PCDHGB2: variants seen among roughly 807,000 people sequenced by gnomAD.
The protein encoded by PCDHGB2 is protocadherin gamma subfamily B, 2, also known as protocadherin gamma-B2.
In PCDHGB2, 55 loss-of-function variants were observed where a neutral mutation model predicts 59.3. The observed-to-expected ratio is 0.93, with a 90% confidence interval of 0.75 to 1.16. The LOEUF (loss-of-function observed/expected upper bound fraction) is 1.16. Among genes scored for constraint, PCDHGB2 ranks in the 50% most tolerant of loss-of-function variants. The probability of loss-of-function intolerance (pLI) is 0.00; values close to 1 mark genes in which losing one functional copy is unlikely to be tolerated. For synonymous variants in PCDHGB2, 516 were observed against 512.0 expected (o/e 1.01, Z -0.11); for missense variants, 1,228 against 1,198.5 (o/e 1.02, Z -0.36).
Position 141,478,335 on chromosome 5 carries a change from C to T in PCDHGB2, c.2422-16472C>T, listed in dbSNP as rs202213361. On this transcript the variant is annotated intron_variant, in intron 1 of 3. Coordinates refer to ENST00000522605, the MANE Select transcript of PCDHGB2 (RefSeq NM_018923.3). ...AGCTCACTGTACCGAACACCAGGGC[C>T]CTCCTTGCACGCGGACGCCGTGCGG... 4.7e-5 allele frequency: 76 copies of T among 1,613,822 alleles called. No individual in the cohort carries two copies. The highest frequency in any genetic ancestry group is 6.1e-5 in the Non-Finnish European group (72 of 1,180,028).
intron 1 of PCDHGB2, chr5:141,367,537 A>AAAGTAAAT (rs373624904): frequency 1.5e-4 from 22 of 147,524 alleles, no homozygotes; most frequent in African/African-American, 5.5e-4. Context: ...ACTCCGTCTC[A>AAAGTAAAT]AAATAAATAA....
At chr5:141,398,657 G>C in intron 1 of PCDHGB2, 1 of 1,614,018 alleles carries the variant, frequency 6.2e-7, no homozygotes, top group African/African-American at 1.3e-5. Flanking sequence ...CTTAACCCAA[G>C]TTTCTCATTA....
intron 1 of PCDHGB2, among the ~76,000 whole-genome samples, chr5:141,447,244 A>T (rs1475037979): frequency 6.6e-6 from 1 of 152,062 alleles, no homozygotes; most frequent in Non-Finnish European, 1.5e-5. Flanking sequence ...GGTTCAAGTG[A>T]TTCTTCTGTC....
At position 141,486,121 on chromosome 5, in the gene PCDHGB2, T is replaced by C. The variant is rs371827617; in HGVS notation, c.2422-8686T>C. 5.6e-6 allele frequency: 9 copies of C among 1,614,086 alleles called. No individual in the cohort carries two copies. The highest frequency in any genetic ancestry group is 2.2e-5 in the South Asian group (2 of 91,082). ...TAGACTTTGAGAGTGAGAATTACTATGAATTTGATGTGCGGGCTCGCGATG... is the reference window on the plus strand; with the variant it reads ...TAGACTTTGAGAGTGAGAATTACTACGAATTTGATGTGCGGGCTCGCGATG... On this transcript the variant is annotated intron_variant, in intron 1 of 3. Coordinates refer to ENST00000522605, the MANE Select transcript of PCDHGB2 (RefSeq NM_018923.3). This position sits in a 1 kb window ranked among gnomAD's most constrained non-coding sequence, Gnocchi z 5.0.
At chr5:141,401,255 T>C (rs56773894) in intron 1 of PCDHGB2, among the ~76,000 whole-genome samples, 18,026 of 152,078 alleles carry the variant, frequency 0.12, 1,226 homozygotes, top group African/African-American at 0.18. Flanking sequence ...GACAGGAGAA[T>C]TGCTTGAACC....
chr5:141,478,678 C>T (rs3805695), intron 1 of PCDHGB2: 273,671 of 1,551,084 alleles, frequency 0.18, 26,385 homozygotes, highest in African/African-American at 0.39. Context: ...TTCAACTGGC[C>T]CTTCCTAGAT....
intron 1 of PCDHGB2, chr5:141,366,943 A>T (rs1481461689): frequency 1.3e-6 from 1 of 775,624 alleles, no homozygotes; most frequent in Non-Finnish European, 2.0e-6. Context: ...AGTCTAGCTG[A>T]TATCTGTAGA....
At chr5:141,408,712 T>C in intron 1 of PCDHGB2, 2 of 1,612,332 alleles carry the variant, frequency 1.2e-6, no homozygotes, top group Non-Finnish European at 1.7e-6. Flanking sequence ...TTAAAGATTA[T>C]AAGATAAACT....
At position 141,386,158 on chromosome 5, in the gene PCDHGB2, A is replaced by G. The variant is rs530436705; in HGVS notation, c.2421+23602A>G. ...TGGCTTTGTTTCAACTGTCTCACGTACTCAAACCTTAGACCATCTTATGTA... is the reference window on the plus strand; with the variant it reads ...TGGCTTTGTTTCAACTGTCTCACGTGCTCAAACCTTAGACCATCTTATGTA... On this transcript the variant is annotated intron_variant, in intron 1 of 3. Coordinates refer to ENST00000522605, the MANE Select transcript of PCDHGB2 (RefSeq NM_018923.3). Among the ~76,000 whole-genome samples, 24 of 152,284 alleles carry G rather than the reference A, an allele frequency of 1.6e-4. No individual in the cohort carries two copies. In the East Asian group the frequency reaches 4.6e-3, roughly 29 times the overall value.
In PCDHGB2 at chr5:141,381,826, C is replaced by CTTCTTTTT. The variant is rs1777532522; in HGVS notation, c.2421+19272_2421+19273insCTTTTTTT. 1.5e-3 allele frequency among the ~76,000 whole-genome samples: 109 copies of CTTCTTTTT among 74,300 alleles called. 1 individual carries two copies. Among genetic ancestry groups the CTTCTTTTT allele is most frequent in the African/African-American group, 6.4e-3 (104 of 16,204 alleles). 48.7% of individuals were successfully genotyped at this position (74,300 alleles called of 152,430 possible). On this transcript the variant is annotated intron_variant, in intron 1 of 3. Transcript: ENST00000522605. ...TTTCTTTCTTTCTTTCTTTCTTCTT[C>CTTCTTTTT]TTTTTTTTTTTTTTTTTTTTTTGGC...
chr5:141,375,327 T>A (rs1219155365), intron 1 of PCDHGB2: 2 of 1,613,686 alleles, frequency 1.2e-6, no homozygotes, highest in South Asian at 2.2e-5. Context: ...CGGGAAGAGG[T>A]ATTCTTGTAC....
Position 141,431,804 on chromosome 5 carries a change from C to G in PCDHGB2, c.2422-63003C>G. On this transcript the variant is annotated intron_variant, in intron 1 of 3. Transcript: ENST00000522605. This position sits in a 1 kb window ranked among gnomAD's most constrained non-coding sequence, Gnocchi z 4.8. Reference sequence around the variant, plus strand: ...GAACGACAATGCCCCAGAAGTGGTCCTCACCTCTCTCGCCAGCTCGGTTCC... The same window carrying G: ...GAACGACAATGCCCCAGAAGTGGTCGTCACCTCTCTCGCCAGCTCGGTTCC... 6.2e-7 allele frequency: 1 copy of G among 1,614,232 alleles called. No homozygotes were observed. The highest frequency in any genetic ancestry group is 1.3e-5 in the African/African-American group (1 of 75,056).
chr5:141,365,864 G>A lies in PCDHGB2; in HGVS notation c.2421+3308G>A, dbSNP rs753111294. 9 of 1,614,004 alleles carry A rather than the reference G, an allele frequency of 5.6e-6. No individual in the cohort carries two copies. In the Admixed American group the frequency reaches 6.7e-5, roughly 12 times the overall value. ...CTATGTATCCATTAACTCTGACACC[G>A]GTGTCCTGTATGCTCTGAGATCCTT... is the stretch of plus-strand genomic sequence containing the variant. On this transcript the variant is annotated intron_variant, in intron 1 of 3. Coordinates refer to ENST00000522605, the MANE Select transcript of PCDHGB2 (RefSeq NM_018923.3).
At chr5:141,479,486 A>T (rs72790065) in intron 1 of PCDHGB2, 21,264 of 152,292 alleles carry the variant, frequency 0.14, 1,529 homozygotes, top group Admixed American at 0.16. Context: ...GGGCAGGACC[A>T]TCAGGTTGCC....
At chr5:141,378,267 G>C (rs747573302) in intron 1 of PCDHGB2, 4 of 152,292 alleles carry the variant, frequency 2.6e-5, no homozygotes, top group Non-Finnish European at 5.9e-5. Context: ...GCTCATGCCT[G>C]TAATCCCAAC....
chr5:141,402,770 G>A (rs1381501918), intron 1 of PCDHGB2, among the ~76,000 whole-genome samples: 1 of 152,154 alleles, frequency 6.6e-6, no homozygotes, highest in Non-Finnish European at 1.5e-5. Context: ...GACTCCATCC[G>A]GATTTCCAGT....
intron 1 of PCDHGB2, chr5:141,385,293 G>A: frequency 6.2e-7 from 1 of 1,613,166 alleles, no homozygotes; most frequent in Non-Finnish European, 8.5e-7. Flanking sequence ...TAGATTTTCA[G>A]GAATGTAAAG....
intron 1 of PCDHGB2, chr5:141,394,322 G>C (rs1438978424): frequency 1.9e-6 from 3 of 1,613,842 alleles, no homozygotes; most frequent in Non-Finnish European, 2.5e-6. Context: ...CCCTGTCCTC[G>C]TATATCTCCA....
intron 1 of PCDHGB2, chr5:141,428,113 T>G: frequency 3.7e-6 from 6 of 1,607,492 alleles, no homozygotes; most frequent in Non-Finnish European, 5.1e-6. Context: ...CTGCAGGCCA[T>G]CGAGCCCGGG....
Sources: allele counts gnomAD v4.1 joint callset (sites outside exome capture counted in the v4.1 genomes callset), GRCh38; gene constraint gnomAD v4.1.1; non-coding constraint Gnocchi (gnomAD v3.1); transcripts MANE v1.5; gene names NCBI Gene and HGNC (gene_info 2026-07-23, HGNC 2026-07-21).